TLL1: variants seen among roughly 807,000 people sequenced by gnomAD.
The protein encoded by TLL1 is tolloid-like protein 1.
Under a neutral mutation model 128.2 loss-of-function variants are expected in TLL1, and 49 were observed. That is an observed-to-expected ratio of 0.38 (90% CI 0.30 to 0.48). The LOEUF is 0.48. TLL1 is among the 20% of genes least tolerant of loss of function. TLL1 has a pLI of 0.96. For missense variants in TLL1, 1,123 were observed against 1,242.0 expected, an observed-to-expected ratio of 0.90 and a Z score of 1.44; for synonymous variants, 454 against 418.8, an observed-to-expected ratio of 1.08 and a Z score of -1.03.
chr4:166,028,711 C>T (rs993667314), intron 9 of TLL1, among the ~76,000 whole-genome samples: 4 of 151,960 alleles, frequency 2.6e-5, no homozygotes, highest in African/African-American at 9.7e-5. Context: ...AAACTATTAT[C>T]ACTGTATAAT....
At chr4:165,891,925 C>A (rs971967634) in intron 1 of TLL1, among the ~76,000 whole-genome samples, 2 of 152,138 alleles carry the variant, frequency 1.3e-5, no homozygotes, top group Non-Finnish European at 2.9e-5. Flanking sequence ...CTGTATTAGT[C>A]CTCATGCTGC....
chr4:166,001,042 G>A (rs1737124413), intron 5 of TLL1, among the ~76,000 whole-genome samples: 2 of 152,162 alleles, frequency 1.3e-5, no homozygotes, highest in Admixed American at 6.5e-5. Context: ...AGGGTAGGGG[G>A]AGAGGGAGAT....
chr4:165,962,847 G>A (rs1439810083), intron 1 of TLL1, among the ~76,000 whole-genome samples: 2 of 151,964 alleles, frequency 1.3e-5, no homozygotes, highest in Non-Finnish European at 2.9e-5. Context: ...TTTGAGGTCA[G>A]GAGTTTGAGA....
intron 1 of TLL1, among the ~76,000 whole-genome samples, chr4:165,900,550 T>C (rs190841567): frequency 1.2e-4 from 19 of 152,316 alleles, no homozygotes; most frequent in East Asian, 7.7e-4. Flanking sequence ...TTTAAGAATG[T>C]TGAATATTGG....
At chr4:165,973,878 C>T (rs563367590) in intron 1 of TLL1, among the ~76,000 whole-genome samples, 1 of 152,122 alleles carries the variant, frequency 6.6e-6, no homozygotes, top group Non-Finnish European at 1.5e-5. Flanking sequence ...ATTGGTCAGG[C>T]TGGTTTCAAA....
intron 1 of TLL1, among the ~76,000 whole-genome samples, chr4:165,879,066 A>G (rs1730861515): frequency 6.6e-6 from 1 of 151,260 alleles, no homozygotes; most frequent in African/African-American, 2.4e-5. Context: ...AGCAGCTAGG[A>G]CTACAGGTGC....
chr4:165,916,046 G>A (rs921307786), intron 1 of TLL1, among the ~76,000 whole-genome samples: 1 of 152,198 alleles, frequency 6.6e-6, no homozygotes, highest in Non-Finnish European at 1.5e-5. Context: ...CTTGTTTCAT[G>A]TTTGGTGAAA....
At chr4:165,892,891 A>T (rs1304886320) in intron 1 of TLL1, among the ~76,000 whole-genome samples, 1 of 152,134 alleles carries the variant, frequency 6.6e-6, no homozygotes, top group East Asian at 1.9e-4. Context: ...TCTGTAAAGA[A>T]ATTATTCTGA....
chr4:166,074,788 T>C, intron 16 of TLL1, 90 bp from the exon 17 acceptor site: 1 of 1,494,706 alleles, frequency 6.7e-7, no homozygotes, highest in African/African-American at 1.4e-5. Flanking sequence ...GTTTACCCTT[T>C]GGCAGTGTTA....
At position 165,944,914 on chromosome 4, in the gene TLL1, G is replaced by C. The variant is rs552318090; in HGVS notation, c.170-44467G>C. Among the ~76,000 whole-genome samples, 8 of 152,230 alleles carry C rather than the reference G, an allele frequency of 5.3e-5. No homozygotes were observed. In the East Asian group the frequency reaches 1.5e-3, roughly 29 times the overall value. On this transcript the variant is annotated intron_variant, in intron 1 of 20. Coordinates refer to ENST00000061240, the MANE Select transcript of TLL1 (RefSeq NM_012464.5). ...TATCAATTAGGCAGTGGATATGGGA[G>C]TCGGTAACTCAGAAAAGAGGTTTTA...
At chr4:166,099,148 CAT>C in intron 19 of TLL1, 127 bp from the exon 20 acceptor site, 2 of 1,440,234 alleles carry the variant, frequency 1.4e-6, no homozygotes, top group East Asian at 2.3e-5. Flanking sequence ...TTGTGGAAAA[CAT>C]ATCTGACGCT....
At chr4:166,062,648 A>G (rs938073849) in intron 15 of TLL1, among the ~76,000 whole-genome samples, 1 of 152,162 alleles carries the variant, frequency 6.6e-6, no homozygotes, top group East Asian at 1.9e-4. Flanking sequence ...TAAATATACA[A>G]TCATGTCATC....
In TLL1 at chr4:165,874,689, G is replaced by A. The variant is rs1730644220; in HGVS notation, c.169+616G>A. 3.3e-5 allele frequency among the ~76,000 whole-genome samples: 5 copies of A among 152,342 alleles called. No homozygotes were observed. In the Middle Eastern group the frequency reaches 0.014, roughly 415 times the overall value. Reference sequence around the variant, plus strand: ...TTTAAAATAAACTGAAAAGAAAAATGTTTTTAAGTTGCTACCCCATTCAAA... The same window carrying A: ...TTTAAAATAAACTGAAAAGAAAAATATTTTTAAGTTGCTACCCCATTCAAA... On this transcript the variant is annotated intron_variant, in intron 1 of 20. Coordinates refer to ENST00000061240, the MANE Select transcript of TLL1 (RefSeq NM_012464.5).
chr4:165,970,158 C>G lies in TLL1; in HGVS notation c.170-19223C>G, dbSNP rs183291590. On this transcript the variant is annotated intron_variant, in intron 1 of 20. Coordinates refer to ENST00000061240, the MANE Select transcript of TLL1 (RefSeq NM_012464.5). ...TTTGTTAAGAATGTTTTAGTCTTTGCTTTTGTCTGTTAATGTTTATAATTA... is the reference window on the plus strand; with the variant it reads ...TTTGTTAAGAATGTTTTAGTCTTTGGTTTTGTCTGTTAATGTTTATAATTA... Among the ~76,000 whole-genome samples, 334 of 152,182 alleles carry G rather than the reference C, an allele frequency of 2.2e-3. 6 individuals carry two copies. The highest frequency in any genetic ancestry group is 0.019 in the Admixed American group (288 of 15,280).
intron 1 of TLL1, among the ~76,000 whole-genome samples, chr4:165,961,573 T>C (rs1735106724): frequency 6.6e-6 from 1 of 152,192 alleles, no homozygotes; most frequent in Non-Finnish European, 1.5e-5. Context: ...TGAACTATAC[T>C]GCAAGGCTAC....
At chr4:165,899,853 T>A (rs1731884264) in intron 1 of TLL1, among the ~76,000 whole-genome samples, 2 of 152,150 alleles carry the variant, frequency 1.3e-5, no homozygotes, top group Admixed American at 6.5e-5. Context: ...TGTGTAGGAG[T>A]CTAAGTCTCT....
rs1373935664 is a variant in TLL1 at position 166,056,860 on chromosome 4, A to G, written c.1721-324A>G. Among the ~76,000 whole-genome samples, 3 of 152,114 alleles carry G rather than the reference A, an allele frequency of 2.0e-5. No individual in the cohort carries two copies. The East Asian group carries it at 5.8e-4, about 29-fold the overall frequency. On this transcript the variant is annotated intron_variant, in intron 13 of 20. Coordinates refer to ENST00000061240, the MANE Select transcript of TLL1 (RefSeq NM_012464.5). ...GCAGCAACATGAATTTGTATACGTT[A>G]TCCATCAGGGGCTTATACGTTGTTC... is the stretch of plus-strand genomic sequence containing the variant.
chr4:166,042,710 T>C (rs1012302899), intron 11 of TLL1, among the ~76,000 whole-genome samples: 5 of 152,232 alleles, frequency 3.3e-5, no homozygotes, highest in Non-Finnish European at 7.3e-5. Context: ...CACTTCCTAG[T>C]ACAGCAGTTT....
At position 166,044,228 on chromosome 4, in the gene TLL1, A is replaced by G. The variant is rs545782063; in HGVS notation, c.1524+809A>G. On this transcript the variant is annotated intron_variant, in intron 12 of 20. Coordinates refer to ENST00000061240, the MANE Select transcript of TLL1 (RefSeq NM_012464.5). ...ATACATGATTGGAGATGGAGTCTTT[A>G]CTGATTGGAAGACTAATTCACTAAG... The G allele has an allele frequency of 6.2e-6, 4 of 640,166 alleles. No individual in the cohort carries two copies. In the South Asian group the frequency reaches 9.2e-5, roughly 15 times the overall value. 39.7% of individuals were successfully genotyped at this position (640,166 alleles called of 1,614,324 possible). A position where few individuals can be genotyped will look rare whatever the true frequency, so the allele number is the denominator to read the frequency against.
Sources: gnomAD v4.1 joint callset for allele counts (sites outside exome capture counted in the v4.1 genomes callset) on GRCh38, gnomAD v4.1.1 for gene constraint, MANE v1.5 for transcripts, NCBI Gene and HGNC (gene_info 2026-07-23, HGNC 2026-07-21) for gene names.